PGM2: variants seen among roughly 807,000 people sequenced by gnomAD.
PGM2 encodes phosphoglucomutase 2.
PGM2 carries 57 observed loss-of-function variants against 74.6 expected under a neutral mutation model. The observed-to-expected ratio is 0.76, with a 90% CI of 0.62 to 0.95. PGM2 has a LOEUF of 0.95. Among genes scored for constraint, PGM2 ranks in the 40% least tolerant of loss-of-function variants. The pLI is 0.00. For synonymous variants in PGM2, 273 were observed against 260.7 expected (o/e 1.05, Z -0.46); for missense variants, 706 against 741.9 (o/e 0.95, Z 0.56).
intron 12 of PGM2, among the ~76,000 whole-genome samples, chr4:37,854,872 CTTAA>C (rs966000198): frequency 4.9e-4 from 75 of 152,104 alleles, no homozygotes; most frequent in East Asian, 7.7e-4. Flanking sequence ...CACAAAGTTA[CTTAA>C]TTTTCTTTAT....
chr4:37,839,739 G>A, intron 4 of PGM2, 109 bp from the exon 5 acceptor site: 2 of 708,270 alleles, frequency 2.8e-6, no homozygotes, highest in Admixed American at 2.1e-5. Flanking sequence ...TATATATTAT[G>A]TTTATTAAAA....
At chr4:37,852,835 C>T (rs1211211438) in intron 12 of PGM2, among the ~76,000 whole-genome samples, 1 of 152,108 alleles carries the variant, frequency 6.6e-6, no homozygotes, top group Non-Finnish European at 1.5e-5. Context: ...CAGTGATATG[C>T]TATAGTATGG....
Position 37,846,912 on chromosome 4 carries a change from T to TG in PGM2, c.1008-18dup, listed in dbSNP as rs757622084. ...GATTATGGAAATGAATGGTGGTTGT[T>TG]GTTTTTTTTTTCTTTCAGTGGTGAA... is the stretch of plus-strand genomic sequence containing the variant. On this transcript the variant is annotated intron_variant, in intron 8 of 13. Transcript: ENST00000381967. 2.3e-5 allele frequency: 35 copies of TG among 1,537,758 alleles called. No individual in the cohort carries two copies. The highest frequency in any genetic ancestry group is 1.3e-4 in the African/African-American group (9 of 70,568).
chr4:37,836,294 C>T (rs1276482415), intron 3 of PGM2, among the ~76,000 whole-genome samples: 1 of 152,152 alleles, frequency 6.6e-6, no homozygotes, highest in East Asian at 1.9e-4. Context: ...CAAGGCTACT[C>T]TCTATCACCT....
chr4:37,832,026 C>T (rs377010313), intron 2 of PGM2, among the ~76,000 whole-genome samples: 1 of 152,184 alleles, frequency 6.6e-6, no homozygotes, highest in African/African-American at 2.4e-5. Context: ...AATGTATTCC[C>T]ATTAAGGACT....
chr4:37,851,031 T>C (rs897264760), intron 12 of PGM2, among the ~76,000 whole-genome samples: 3 of 148,214 alleles, frequency 2.0e-5, no homozygotes, highest in African/African-American at 7.5e-5. Context: ...CATCAAAGCC[T>C]GTGTGGTCAT....
intron 13 of PGM2, among the ~76,000 whole-genome samples, chr4:37,857,749 TCAA>T (rs1324675414): frequency 6.6e-6 from 1 of 152,200 alleles, no homozygotes; most frequent in Non-Finnish European, 1.5e-5. Context: ...GTGCAAAAAC[TCAA>T]CTATTAAGTG....
chr4:37,834,163 C>G (rs189006838), intron 2 of PGM2, among the ~76,000 whole-genome samples: 4 of 152,188 alleles, frequency 2.6e-5, no homozygotes, highest in Admixed American at 2.6e-4. Flanking sequence ...AAGACCCTGT[C>G]TCTACAAAAA....
intron 4 of PGM2, chr4:37,839,453 G>A (rs749353235): frequency 3.2e-5 from 13 of 412,140 alleles, no homozygotes; most frequent in Admixed American, 8.8e-5. Flanking sequence ...AAAAGCAAAT[G>A]AGAAAGGAGG....
chr4:37,861,557 T>C lies in PGM2; in HGVS notation c.1784T>C (p.Ile595Thr), dbSNP rs773299000. 8.1e-6 allele frequency: 13 copies of C among 1,613,640 alleles called. No homozygotes were observed. In the African/African-American group the frequency reaches 1.5e-4, roughly 18 times the overall value. The change falls in exon 14 of 14, where the codon ATT becomes ACT. Residue 595 changes from isoleucine to threonine, a missense_variant. Physicochemically the swap from Ile to Thr is moderately conservative, Grantham distance 89. Coordinates refer to ENST00000381967, the MANE Select transcript of PGM2 (RefSeq NM_018290.4). ...KKELNELVSA[I>T]EEHFFQPQKY... ...GAACTGAATGAACTGGTCAGTGCTA[T>C]TGAAGAACATTTTTTCCAGCCACAG...
At chr4:37,850,510 A>G (rs750888762) in intron 12 of PGM2, 137 bp downstream of exon 12, 36 of 548,132 alleles carry the variant, frequency 6.6e-5, no homozygotes, top group Non-Finnish European at 1.1e-4. Context: ...GCTATAAAAA[A>G]TATATGGAAG....
intron 13 of PGM2, among the ~76,000 whole-genome samples, chr4:37,858,820 G>T (rs551591123): frequency 1.3e-5 from 2 of 152,066 alleles, no homozygotes; most frequent in Admixed American, 6.6e-5. Context: ...TTTTGTCAGG[G>T]GAGATGTCCT....
At chr4:37,852,075 T>C (rs111737011) in intron 12 of PGM2, among the ~76,000 whole-genome samples, 2,367 of 147,356 alleles carry the variant, frequency 0.016, 65 homozygotes, top group African/African-American at 0.056. Flanking sequence ...GTTCAAGTGA[T>C]CCTCCCACCT....
chr4:37,851,061 G>A (rs533666475), intron 12 of PGM2, among the ~76,000 whole-genome samples: 1 of 151,222 alleles, frequency 6.6e-6, no homozygotes, highest in African/African-American at 2.4e-5. Context: ...TAGGCAATAA[G>A]TGATCAGAAG....
Position 37,837,537 on chromosome 4 carries a change from G to A in PGM2, c.365G>A (p.Arg122Gln), listed in dbSNP as rs139183829. ...TCACTCTGCATTCTCAGGTTTGCCC[G>A]ACTTGCTGCAACCACATTTATCAGT... Reference protein sequence around the residue: ...SSGGSSRRFARLAATTFISQG... With the variant: ...SSGGSSRRFAQLAATTFISQG... The change falls in exon 4 of 14, where the codon CGA (arginine) becomes CAA (glutamine). Residue 122 changes from arginine to glutamine, a missense_variant. Coordinates refer to ENST00000381967, the MANE Select transcript of PGM2 (RefSeq NM_018290.4). The A allele has an allele frequency of 4.3e-6, 7 of 1,610,540 alleles. No individual in the cohort carries two copies. The highest frequency in any genetic ancestry group is 1.3e-5 in the African/African-American group (1 of 74,840).
chr4:37,848,572 G>A lies in PGM2; in HGVS notation c.1333G>A (p.Val445Ile). Residue 445 changes from valine to isoleucine, a missense_variant, in exon 11 of 14, where the codon GTC becomes ATC. This residue lies in a region of PGM2 where 359 missense variants were observed against 371.1 expected (regional missense o/e 0.97). Coordinates refer to ENST00000381967, the MANE Select transcript of PGM2 (RefSeq NM_018290.4). Reference sequence around the variant, plus strand: ...GGACAAAGATGGAGTCAGTGCCGCTGTCATAAGTGCAGAGTTGGCTAGCTT... The same window carrying A: ...GGACAAAGATGGAGTCAGTGCCGCTATCATAAGTGCAGAGTTGGCTAGCTT... ...VLDKDGVSAA[V>I]ISAELASFLA... The A allele has an allele frequency of 6.2e-7, 1 of 1,613,704 alleles. No individual in the cohort carries two copies. Among genetic ancestry groups the A allele is most frequent in the Non-Finnish European group, 8.5e-7 (1 of 1,179,594 alleles).
intron 2 of PGM2, among the ~76,000 whole-genome samples, chr4:37,832,743 G>C (rs1020564939): frequency 1.3e-5 from 2 of 152,166 alleles, no homozygotes; most frequent in Admixed American, 1.3e-4. Context: ...CTCATTAAAA[G>C]ATGGTTTCAT....
intron 13 of PGM2, among the ~76,000 whole-genome samples, chr4:37,859,806 A>G (rs1711702513): frequency 6.6e-6 from 1 of 152,192 alleles, no homozygotes; most frequent in Non-Finnish European, 1.5e-5. Context: ...TTAGAGAAAA[A>G]TGATACTTTC....
At chr4:37,852,393 C>T (rs1460178978) in intron 12 of PGM2, among the ~76,000 whole-genome samples, 3 of 37,682 alleles carry the variant, frequency 8.0e-5, no homozygotes, top group Non-Finnish European at 2.5e-4. Context: ...AATGGCCGCC[C>T]TCCTGGTTGG....
Sources: gnomAD v4.1 joint callset for allele counts (sites outside exome capture counted in the v4.1 genomes callset) on GRCh38, gnomAD v4.1.1 for gene constraint, gnomAD v4.1.1 regional missense constraint, MANE v1.5 for transcripts, NCBI Gene and HGNC (gene_info 2026-07-23, HGNC 2026-07-21) for gene names.